The following GAREM1 variants were observed in gnomAD, a reference collection of about 807,000 sequenced individuals.
The protein encoded by GAREM1 is GRB2 associated regulator of MAPK1 subtype 1, also known as GRB2-associated and regulator of MAPK protein 1.
GAREM1 carries 26 observed loss-of-function variants against 71.3 expected under a neutral mutation model. The ratio of observed to expected loss-of-function variants is 0.36; its 90% CI spans 0.27 to 0.51. The LOEUF (loss-of-function observed/expected upper bound fraction) is 0.51, where lower values mean the gene tolerates loss of function less well. GAREM1 is among the 20% of genes least tolerant of loss of function. GAREM1 has a pLI of 0.95. For missense variants in GAREM1, 1,026 were observed against 1,103.1 expected, an observed-to-expected ratio of 0.93 and a Z score of 0.99; for synonymous variants, 440 against 433.2, an observed-to-expected ratio of 1.02 and a Z score of -0.20.
At chr18:32,388,636 C>T (rs542878863) in intron 2 of GAREM1, among the ~76,000 whole-genome samples, 32 of 152,306 alleles carry the variant, frequency 2.1e-4, no homozygotes, top group African/African-American at 7.7e-4. Flanking sequence ...TGCATAGCCT[C>T]ATCAAATCAC....
chr18:32,451,644 G>T (rs1266487693), intron 1 of GAREM1, among the ~76,000 whole-genome samples: 1 of 152,052 alleles, frequency 6.6e-6, no homozygotes, highest in Non-Finnish European at 1.5e-5. Context: ...CTTTCTCTTT[G>T]ATTATAAACC....
intron 2 of GAREM1, among the ~76,000 whole-genome samples, chr18:32,352,318 T>C (rs572325506): frequency 1.1e-4 from 17 of 152,220 alleles, no homozygotes; most frequent in African/African-American, 3.4e-4. Flanking sequence ...CTCAGAACAC[T>C]GGGGAAAATG....
At chr18:32,400,589 GC>G (rs1332953285) in intron 1 of GAREM1, among the ~76,000 whole-genome samples, 1 of 152,192 alleles carries the variant, frequency 6.6e-6, no homozygotes, top group African/African-American at 2.4e-5. Context: ...ATCATCACTG[GC>G]CATCAGAGAC....
chr18:32,277,713 G>A (rs780023294), intron 4 of GAREM1, among the ~76,000 whole-genome samples: 2 of 152,118 alleles, frequency 1.3e-5, no homozygotes, highest in African/African-American at 2.4e-5. Context: ...TCTCCTTACA[G>A]TTCTAACTCT....
intron 1 of GAREM1, among the ~76,000 whole-genome samples, chr18:32,440,539 G>C (rs2048725365): frequency 6.6e-6 from 1 of 152,224 alleles, no homozygotes; most frequent in Non-Finnish European, 1.5e-5. Context: ...CTCAGCCTTT[G>C]ATTTTGTTCC....
At chr18:32,443,360 T>A (rs1486155658) in intron 1 of GAREM1, among the ~76,000 whole-genome samples, 1 of 152,162 alleles carries the variant, frequency 6.6e-6, no homozygotes, top group Non-Finnish European at 1.5e-5. Context: ...ATAACCCATA[T>A]AGTAGAAGAA....
intron 1 of GAREM1, among the ~76,000 whole-genome samples, chr18:32,417,073 A>G (rs1190661870): frequency 1.3e-5 from 2 of 152,220 alleles, no homozygotes; most frequent in Non-Finnish European, 2.9e-5. Context: ...TTGAATGGAC[A>G]TTTCTCAGAA....
intron 1 of GAREM1, among the ~76,000 whole-genome samples, chr18:32,405,449 T>C (rs575087902): frequency 1.3e-5 from 2 of 152,232 alleles, no homozygotes; most frequent in South Asian, 2.1e-4. Flanking sequence ...CCACACACCT[T>C]GGCCTCCCAA....
intron 4 of GAREM1, 65 bp downstream of exon 4, chr18:32,286,965 AT>A (rs2047024549): frequency 2.5e-6 from 3 of 1,203,254 alleles, no homozygotes; most frequent in African/African-American, 3.1e-5. Context: ...AAGAAAATAA[AT>A]TAGTGGATGA....
At chr18:32,399,156 T>C (rs567519611) in intron 1 of GAREM1, among the ~76,000 whole-genome samples, 5 of 152,296 alleles carry the variant, frequency 3.3e-5, no homozygotes, top group Admixed American at 3.3e-4. Flanking sequence ...AATTAGGTAT[T>C]GATGGGAAGT....
At chr18:32,367,228 C>A (rs1244364040) in intron 2 of GAREM1, among the ~76,000 whole-genome samples, 1 of 152,090 alleles carries the variant, frequency 6.6e-6, no homozygotes, top group Non-Finnish European at 1.5e-5. Context: ...AAAAGAAATA[C>A]CACTTACCTA....
rs1450445808 is a variant in GAREM1, at chr18:32,268,403, C to G, written c.2099G>C (p.Ser700Thr). The change falls in exon 6 of 6, where the codon AGC (serine) becomes ACC (threonine). Residue 700 changes from serine to threonine, a missense_variant. Ser to Thr is a moderately conservative substitution (Grantham distance 58). Coordinates refer to ENST00000269209, the MANE Select transcript of GAREM1 (RefSeq NM_001242409.2). Reference protein sequence around the residue: ...SSVSGCPKSASYSLESTDVKS... With the variant: ...SSVSGCPKSATYSLESTDVKS... ...CACATCTGTGCTCTCCAGAGAGTAG[C>G]TGGCTGACTTGGGACAACCAGAGAC... is the stretch of plus-strand genomic sequence containing the variant. 3.7e-6 allele frequency: 6 copies of G among 1,614,084 alleles called. No individual in the cohort carries two copies. Among genetic ancestry groups the G allele is most frequent in the Non-Finnish European group, 5.1e-6 (6 of 1,180,034 alleles).
At chr18:32,344,905 CA>C (rs976376922) in intron 2 of GAREM1, among the ~76,000 whole-genome samples, 2 of 151,732 alleles carry the variant, frequency 1.3e-5, no homozygotes, top group African/African-American at 2.4e-5. Context: ...ACTAAAAATA[CA>C]AAAAAATTAG....
At chr18:32,394,987 G>C (rs938847058) in intron 1 of GAREM1, among the ~76,000 whole-genome samples, 2 of 152,148 alleles carry the variant, frequency 1.3e-5, no homozygotes, top group African/African-American at 4.8e-5. Flanking sequence ...GCAGTGATCA[G>C]GACACATAAG....
intron 1 of GAREM1, among the ~76,000 whole-genome samples, chr18:32,428,330 C>T (rs769708588): frequency 3.3e-5 from 5 of 152,100 alleles, no homozygotes; most frequent in Non-Finnish European, 4.4e-5. Flanking sequence ...GGATCTGTGT[C>T]CTTGCCCCAG....
intron 1 of GAREM1, chr18:32,413,193 G>C (rs1377045040): frequency 1.2e-5 from 19 of 1,604,248 alleles, no homozygotes; most frequent in African/African-American, 2.7e-5. Flanking sequence ...AGGGTGAAGA[G>C]AGACTTTAAC....
At chr18:32,383,469 T>C (rs2048115843) in intron 2 of GAREM1, among the ~76,000 whole-genome samples, 1 of 152,178 alleles carries the variant, frequency 6.6e-6, no homozygotes, top group Admixed American at 6.5e-5. Flanking sequence ...GAAGTCTGTT[T>C]TCCACAAATA....
At chr18:32,367,609 A>T (rs548348432) in intron 2 of GAREM1, among the ~76,000 whole-genome samples, 1 of 152,228 alleles carries the variant, frequency 6.6e-6, no homozygotes, top group Non-Finnish European at 1.5e-5. Flanking sequence ...CTTCACTGCC[A>T]AAGTCCAAAT....
intron 2 of GAREM1, among the ~76,000 whole-genome samples, chr18:32,357,662 C>A (rs1392271651): frequency 6.6e-6 from 1 of 152,228 alleles, no homozygotes; most frequent in Non-Finnish European, 1.5e-5. Flanking sequence ...AGCTTTCATC[C>A]TTTATAAAAC....
Sources: allele counts gnomAD v4.1 joint callset (sites outside exome capture counted in the v4.1 genomes callset), GRCh38; gene constraint gnomAD v4.1.1; transcripts MANE v1.5; gene names NCBI Gene and HGNC (gene_info 2026-07-23, HGNC 2026-07-21).